Variants in CLDN14 observed in about 807,000 individuals in gnomAD.
The protein encoded by CLDN14 is claudin-14.
CLDN14 carries 2 observed loss-of-function variants against 2.1 expected under a neutral mutation model. The ratio of observed to expected loss-of-function variants is 0.96; its 90% CI spans 0.39 to 3.01. CLDN14 has a LOEUF of 3.01. Ranked by LOEUF, CLDN14 falls within the 30% of genes most tolerant of loss-of-function variation. The pLI is 0.09. For missense variants in CLDN14, 298 were observed against 328.0 expected, an observed-to-expected ratio of 0.91 and a Z score of 0.71; for synonymous variants, 136 against 154.4, an observed-to-expected ratio of 0.88 and a Z score of 0.88.
intron 1 of CLDN14, among the ~76,000 whole-genome samples, chr21:36,556,765 TG>T (rs2087601695): frequency 6.6e-6 from 1 of 152,260 alleles, no homozygotes. Flanking sequence ...CTGATTTTGG[TG>T]GATTCTCTTC....
intron 2 of CLDN14, among the ~76,000 whole-genome samples, chr21:36,502,271 G>A (rs1203424711): frequency 1.3e-5 from 2 of 152,162 alleles, no homozygotes; most frequent in African/African-American, 4.8e-5. Context: ...AAGAGGTAGG[G>A]TCCAGAAATG....
chr21:36,461,664 A>T lies in CLDN14; in HGVS notation c.32T>A (p.Phe11Tyr). 1 of 1,560,596 alleles carries T rather than the reference A, an allele frequency of 6.4e-7. No individual in the cohort carries two copies. Among genetic ancestry groups the T allele is most frequent in the South Asian group, 1.2e-5 (1 of 85,180 alleles). ...CACCATGCCCAGGAAGCTGAGCAGG[A>T]AGCCCAGAAGCTGCACGGCCGTGCT... MASTAVQLLG[F>Y]LLSFLGMVGT... The change falls in exon 2 of 2, where the codon TTC becomes TAC. Residue 11 changes from phenylalanine (F) to tyrosine (Y), a missense_variant. Phe to Tyr is a conservative substitution (Grantham distance 22). Transcript: ENST00000399135.
Position 36,575,059 on chromosome 21 carries a change from C to T in CLDN14, c.-220+1352G>A, listed in dbSNP as rs372079081. ...AGAATAAAAATGGATAGAGCCACCTCACTGCATTATCTTCTTAAAGAATTC... is the reference window on the plus strand; with the variant it reads ...AGAATAAAAATGGATAGAGCCACCTTACTGCATTATCTTCTTAAAGAATTC... On this transcript the variant is annotated intron_variant, in intron 1 of 2. Coordinates refer to the CLDN14 transcript ENST00000342108. 3.9e-5 allele frequency among the ~76,000 whole-genome samples: 6 copies of T among 152,342 alleles called. No homozygotes were observed. In the East Asian group the frequency reaches 1.2e-3, roughly 29 times the overall value.
At chr21:36,466,528 T>G (rs547205304) in intron 1 of CLDN14, 1 of 152,288 alleles carries the variant, frequency 6.6e-6, no homozygotes, top group East Asian at 1.9e-4. Context: ...TTACTCACTA[T>G]CATGAGAATA....
intron 1 of CLDN14, chr21:36,542,595 G>T (rs1378501570): frequency 2.0e-5 from 3 of 152,216 alleles, no homozygotes; most frequent in Non-Finnish European, 4.4e-5. Context: ...CCAGCTCATG[G>T]CCGCTCTGGG....
chr21:36,528,369 G>A (rs566443599), intron 1 of CLDN14, among the ~76,000 whole-genome samples: 2 of 152,154 alleles, frequency 1.3e-5, no homozygotes, highest in African/African-American at 4.8e-5. Context: ...GACAGTCCAC[G>A]TCCTACAGCC....
At chr21:36,490,818 G>A (rs1447629588) in intron 2 of CLDN14, among the ~76,000 whole-genome samples, 1 of 152,004 alleles carries the variant, frequency 6.6e-6, no homozygotes, top group East Asian at 1.9e-4. Flanking sequence ...TTTGATACAC[G>A]TGGAACCAGG....
chr21:36,500,986 G>T (rs569770898), intron 2 of CLDN14, among the ~76,000 whole-genome samples: 2 of 152,224 alleles, frequency 1.3e-5, no homozygotes, highest in South Asian at 4.1e-4. Flanking sequence ...AAGCAAACTC[G>T]GAGAGCTTAA....
At chr21:36,506,216 G>T (rs1157028567) in intron 2 of CLDN14, among the ~76,000 whole-genome samples, 1 of 152,242 alleles carries the variant, frequency 6.6e-6, no homozygotes, top group Non-Finnish European at 1.5e-5. Context: ...TGCAGTTACT[G>T]ATATGCAAAG....
intron 1 of CLDN14, among the ~76,000 whole-genome samples, chr21:36,520,933 C>G (rs2087264850): frequency 6.6e-6 from 1 of 152,062 alleles, no homozygotes; most frequent in Non-Finnish European, 1.5e-5. Context: ...GCAGAATGAC[C>G]CCCGTGGGGA....
At chr21:36,516,033 C>T (rs1253942770) in intron 1 of CLDN14, among the ~76,000 whole-genome samples, 1 of 152,036 alleles carries the variant, frequency 6.6e-6, no homozygotes, top group African/African-American at 2.4e-5. Context: ...GGTGATCCCC[C>T]TGCCTCGGCC....
chr21:36,467,406 C>T (rs2086659842), intron 1 of CLDN14, among the ~76,000 whole-genome samples: 1 of 152,126 alleles, frequency 6.6e-6, no homozygotes, highest in South Asian at 2.1e-4. Flanking sequence ...TGGGGTCCCT[C>T]CCTGGGCATG....
chr21:36,486,736 C>T, intron 2 of CLDN14: 1 of 1,006,332 alleles, frequency 9.9e-7, no homozygotes, highest in Non-Finnish European at 1.6e-6. Flanking sequence ...TCACCAGATC[C>T]TTCTCATTGC....
At chr21:36,533,675 A>C (rs1227837803) in intron 1 of CLDN14, among the ~76,000 whole-genome samples, 1 of 152,206 alleles carries the variant, frequency 6.6e-6, no homozygotes, top group Admixed American at 6.5e-5. Context: ...AAAGAGCCAG[A>C]TCATGTCCTT....
At chr21:36,464,742 T>C (rs935948750) in intron 1 of CLDN14, among the ~76,000 whole-genome samples, 2 of 152,234 alleles carry the variant, frequency 1.3e-5, no homozygotes, top group African/African-American at 2.4e-5. Flanking sequence ...TTTCCTAGTT[T>C]ATTCCCAACA....
rs149733854 is a variant in CLDN14, at chr21:36,461,006, G to C, written c.690C>G (p.His230Gln). Reference protein sequence around the residue: ...NRAPSVTSATHSGYRLNDYV With the variant: ...NRAPSVTSATQSGYRLNDYV ...CGTAGTCGTTCAGCCTGTACCCGCT[G>C]TGCGTGGCCGAGGTCACTGAGGGGG... Residue 230 changes from histidine (H) to glutamine (Q), a missense_variant, in exon 2 of 2, where the codon CAC becomes CAG. His to Gln is a conservative substitution (Grantham distance 24). Transcript: ENST00000399135. The C allele has an allele frequency of 6.2e-7, 1 of 1,613,256 alleles. No homozygotes were observed. The highest frequency in any genetic ancestry group is 8.5e-7 in the Non-Finnish European group (1 of 1,179,960).
chr21:36,502,322 C>T (rs1014286753), intron 2 of CLDN14, among the ~76,000 whole-genome samples: 1 of 152,196 alleles, frequency 6.6e-6, no homozygotes, highest in Non-Finnish European at 1.5e-5. Flanking sequence ...CCATGAAATA[C>T]TATTCTTATG....
At chr21:36,517,039 C>T (rs2087233728) in intron 1 of CLDN14, among the ~76,000 whole-genome samples, 1 of 151,608 alleles carries the variant, frequency 6.6e-6, no homozygotes, top group Admixed American at 6.6e-5. Context: ...GGGGTTTCGC[C>T]AAGTTGGCCA....
At chr21:36,490,922 G>A (rs573315708) in intron 2 of CLDN14, among the ~76,000 whole-genome samples, 10 of 150,314 alleles carry the variant, frequency 6.7e-5, no homozygotes, top group South Asian at 2.1e-4. Flanking sequence ...ATGCCAACAC[G>A]TGTGGGCACA....
Sources: gnomAD v4.1 joint callset for allele counts (sites outside exome capture counted in the v4.1 genomes callset) on GRCh38, gnomAD v4.1.1 for gene constraint, MANE v1.5 for transcripts, NCBI Gene and HGNC (gene_info 2026-07-23, HGNC 2026-07-21) for gene names.